Variants in NOL10 observed in about 807,000 individuals in gnomAD.
The protein encoded by NOL10 is nucleolar protein 10.
A neutral mutation model predicts 103.5 loss-of-function variants in NOL10; 58 were observed. That is an observed-to-expected ratio of 0.56 (90% CI 0.45 to 0.70). The LOEUF is 0.70. Among genes scored for constraint, NOL10 ranks in the 30% least tolerant of loss-of-function variants. The pLI, the probability that NOL10 is intolerant of heterozygous loss-of-function variation, is 0.00. For missense variants in NOL10, 763 were observed against 807.3 expected (o/e 0.95, Z 0.67); for synonymous variants, 287 against 282.5 (o/e 1.02, Z -0.16).
intron 13 of NOL10, among the ~76,000 whole-genome samples, chr2:10,610,409 G>A (rs1346558114): frequency 6.6e-6 from 1 of 152,128 alleles, no homozygotes; most frequent in African/African-American, 2.4e-5. Flanking sequence ...TCTAGTTATG[G>A]TAAATAATCT....
At chr2:10,675,704 A>G in intron 4 of NOL10, 90 bp downstream of exon 4, 2 of 730,680 alleles carry the variant, frequency 2.7e-6, no homozygotes, top group East Asian at 2.7e-5. Flanking sequence ...GCAATAAAAA[A>G]CTAATTACAA....
intron 17 of NOL10, among the ~76,000 whole-genome samples, chr2:10,593,808 G>A (rs1272552879): frequency 1.3e-5 from 2 of 152,034 alleles, no homozygotes; most frequent in Non-Finnish European, 2.9e-5. Context: ...GGTGCCCTCT[G>A]GACCCCTCCA....
At chr2:10,673,271 G>A (rs1488819518) in intron 5 of NOL10, 1 of 324,342 alleles carries the variant, frequency 3.1e-6, no homozygotes, top group Non-Finnish European at 5.7e-6. Flanking sequence ...ATACAAATAA[G>A]GTTTCATATA....
Position 10,649,360 on chromosome 2 carries a change from G to A in NOL10, c.974-4988C>T, listed in dbSNP as rs1038934800. On this transcript the variant is annotated intron_variant, in intron 12 of 20. Transcript: ENST00000381685. ...TTTTGAGACAGAGTCTTGCTCTGTC[G>A]CCCAGGCTGGAGAGCAGTGGCATGA... 5.9e-5 allele frequency among the ~76,000 whole-genome samples: 7 copies of A among 119,388 alleles called. 1 individual carries two copies. Among genetic ancestry groups the A allele is most frequent in the South Asian group, 5.1e-4 (2 of 3,954 alleles). The allele number at this position is 119,388 out of a possible 152,430, so 78.3% of individuals were successfully genotyped here. A position where few individuals can be genotyped will look rare whatever the true frequency, so the allele number is the denominator to read the frequency against.
At chr2:10,680,138 G>A (rs1681632730) in intron 3 of NOL10, among the ~76,000 whole-genome samples, 1 of 151,976 alleles carries the variant, frequency 6.6e-6, no homozygotes, top group African/African-American at 2.4e-5. Context: ...TTAGCCGGGT[G>A]TGGTGGCGAG....
At chr2:10,636,350 A>C (rs767721322) in intron 13 of NOL10, among the ~76,000 whole-genome samples, 1 of 150,102 alleles carries the variant, frequency 6.7e-6, no homozygotes, top group Non-Finnish European at 1.5e-5. Flanking sequence ...CCGAGACAGG[A>C]AGACTGCTTG....
At chr2:10,587,514 C>A (rs181265506) in intron 19 of NOL10, among the ~76,000 whole-genome samples, 5,064 of 68,694 alleles carry the variant, frequency 0.074, 302 homozygotes, top group African/African-American at 0.21. Context: ...CATGATCTGC[C>A]CCCCCCTTGG....
chr2:10,596,302 G>A (rs907567129), intron 17 of NOL10, among the ~76,000 whole-genome samples: 2 of 149,334 alleles, frequency 1.3e-5, no homozygotes, highest in African/African-American at 2.5e-5. Flanking sequence ...TGATTCAAGC[G>A]CATTACATTT....
At chr2:10,617,531 A>G (rs571289163) in intron 13 of NOL10, among the ~76,000 whole-genome samples, 3 of 152,306 alleles carry the variant, frequency 2.0e-5, no homozygotes, top group Middle Eastern at 3.4e-3. Flanking sequence ...ACTGAGTTCC[A>G]TAATTCCTAA....
chr2:10,666,377 C>T (rs866649927), intron 8 of NOL10, among the ~76,000 whole-genome samples: 2 of 151,380 alleles, frequency 1.3e-5, no homozygotes, highest in Non-Finnish European at 2.9e-5. Context: ...GACGGAGTCT[C>T]GCTCTGTCAC....
chr2:10,674,710 G>A (rs565966447), intron 4 of NOL10, among the ~76,000 whole-genome samples: 12 of 152,246 alleles, frequency 7.9e-5, no homozygotes, highest in African/African-American at 2.2e-4. Flanking sequence ...GGTAAAGTGC[G>A]CCTGTAATCC....
intron 13 of NOL10, among the ~76,000 whole-genome samples, chr2:10,614,315 G>A (rs960490415): frequency 6.6e-6 from 1 of 151,948 alleles, no homozygotes; most frequent in Admixed American, 6.6e-5. Context: ...TTACTGTGAG[G>A]CCATGATTCT....
At chr2:10,673,007 T>C (rs1359948929) in intron 5 of NOL10, among the ~76,000 whole-genome samples, 1 of 150,918 alleles carries the variant, frequency 6.6e-6, no homozygotes, top group Admixed American at 6.6e-5. Context: ...AAAAAAAGAG[T>C]TGAAAGATGG....
intron 13 of NOL10, among the ~76,000 whole-genome samples, chr2:10,614,631 GT>G (rs1676742767): frequency 6.6e-6 from 1 of 152,120 alleles, no homozygotes; most frequent in Admixed American, 6.5e-5. Context: ...TTTCACATAG[GT>G]TGAAGTCCTA....
intron 13 of NOL10, among the ~76,000 whole-genome samples, chr2:10,614,652 G>A (rs1250793615): frequency 6.6e-6 from 1 of 152,106 alleles, no homozygotes; most frequent in Non-Finnish European, 1.5e-5. Flanking sequence ...AATAAATCAG[G>A]TCCAGTCAGG....
Position 10,689,769 on chromosome 2 carries a change from G to A in NOL10, c.66+27C>T. The A allele has an allele frequency of 2.5e-6, 4 of 1,587,854 alleles. No homozygotes were observed. The African/African-American group carries it at 4.0e-5, about 16-fold the overall frequency. On this transcript the variant is annotated intron_variant, in intron 1 of 20. Coordinates refer to ENST00000381685, the MANE Select transcript of NOL10 (RefSeq NM_024894.4). ...AGGAGGACGACCCCCAAGAGCTCGAGAGTGAGGGGGCCGGGAAGTGACTCA... is the reference window on the plus strand; with the variant it reads ...AGGAGGACGACCCCCAAGAGCTCGAAAGTGAGGGGGCCGGGAAGTGACTCA...
In NOL10 at chr2:10,607,281, A is replaced by T. The variant is rs146061896; in HGVS notation, c.1057T>A (p.Phe353Ile). 6 of 1,609,274 alleles carry T rather than the reference A, an allele frequency of 3.7e-6. No homozygotes were observed. The highest frequency in any genetic ancestry group is 3.4e-6 in the Non-Finnish European group (4 of 1,177,632). ...AATTCTTCGGTCAAGTTGTCTAAGA[A>T]GGAACACCACCGAGGAGCAGGACCC... is the stretch of plus-strand genomic sequence containing the variant. ...VLGPAPRWCS[F>I]LDNLTEELEE... The change falls in exon 14 of 21, where the codon TTC (phenylalanine) becomes ATC (isoleucine). Residue 353 changes from phenylalanine (F) to isoleucine (I), a missense_variant. Physicochemically the swap from Phe to Ile is conservative, Grantham distance 21. Transcript: ENST00000381685.
At chr2:10,596,508 G>T (rs112513453) in intron 17 of NOL10, among the ~76,000 whole-genome samples, 1 of 152,070 alleles carries the variant, frequency 6.6e-6, no homozygotes, top group Non-Finnish European at 1.5e-5. Context: ...TAGATCCCTC[G>T]CATGCGCAGT....
chr2:10,635,599 C>A (rs1355956351), intron 13 of NOL10, among the ~76,000 whole-genome samples: 1 of 152,124 alleles, frequency 6.6e-6, no homozygotes, highest in East Asian at 1.9e-4. Flanking sequence ...AGGGAAAATG[C>A]GTAGGAAGCC....
Sources: allele counts gnomAD v4.1 joint callset (sites outside exome capture counted in the v4.1 genomes callset), GRCh38; gene constraint gnomAD v4.1.1; transcripts MANE v1.5; gene names NCBI Gene and HGNC (gene_info 2026-07-23, HGNC 2026-07-21).